Variants in CERS6 observed in about 807,000 individuals in gnomAD.
CERS6 encodes ceramide synthase 6.
Under a neutral mutation model 56.8 loss-of-function variants are expected in CERS6, and 26 were observed. The observed-to-expected ratio is 0.46, with a 90% CI of 0.34 to 0.63. The LOEUF is 0.63. Ranked by LOEUF, CERS6 falls within the 30% of genes least tolerant of loss-of-function variation. The pLI is 0.01. For synonymous variants in CERS6, 164 were observed against 173.3 expected, an observed-to-expected ratio of 0.95 and a Z score of 0.42; for missense variants, 415 against 467.5, an observed-to-expected ratio of 0.89 and a Z score of 1.04.
intron 1 of CERS6, among the ~76,000 whole-genome samples, chr2:168,504,170 G>A (rs1294965273): frequency 6.6e-6 from 1 of 152,162 alleles, no homozygotes; most frequent in Non-Finnish European, 1.5e-5. Flanking sequence ...CAGCACTTTG[G>A]GAGCCAAGGT....
chr2:168,569,046 G>T (rs1028683536), intron 3 of CERS6, among the ~76,000 whole-genome samples: 1 of 152,212 alleles, frequency 6.6e-6, no homozygotes, highest in Non-Finnish European at 1.5e-5. Context: ...GGCTGTTGCT[G>T]TGTTAGCTCA....
At chr2:168,669,838 G>A (rs1312936030) in intron 4 of CERS6, among the ~76,000 whole-genome samples, 1 of 152,188 alleles carries the variant, frequency 6.6e-6, no homozygotes, top group Non-Finnish European at 1.5e-5. Context: ...ATACACGACT[G>A]TGTCAGAAGA....
At chr2:168,609,253 C>G (rs1684127813) in intron 3 of CERS6, among the ~76,000 whole-genome samples, 1 of 152,138 alleles carries the variant, frequency 6.6e-6, no homozygotes, top group Non-Finnish European at 1.5e-5. Flanking sequence ...CTTCAGCCTC[C>G]CAAGTAGCTG....
chr2:168,506,503 A>G (rs1348069430), intron 1 of CERS6, among the ~76,000 whole-genome samples: 1 of 152,210 alleles, frequency 6.6e-6, no homozygotes, highest in Non-Finnish European at 1.5e-5. Flanking sequence ...GCTGATAAAC[A>G]CTGGGAAGTT....
At chr2:168,650,171 A>C (rs984412400) in intron 4 of CERS6, among the ~76,000 whole-genome samples, 5 of 152,174 alleles carry the variant, frequency 3.3e-5, no homozygotes, top group African/African-American at 4.8e-5. Context: ...CATCAGGGGA[A>C]TAGATAGCTG....
chr2:168,748,557 G>A (rs189833000), intron 8 of CERS6, among the ~76,000 whole-genome samples: 1 of 152,086 alleles, frequency 6.6e-6, no homozygotes, highest in South Asian at 2.1e-4. Flanking sequence ...GAACCTGCAC[G>A]CCCCCACCGA....
chr2:168,730,092 G>A (rs1010236995), intron 8 of CERS6, among the ~76,000 whole-genome samples: 2 of 152,312 alleles, frequency 1.3e-5, no homozygotes, highest in African/African-American at 2.4e-5. Context: ...CTTAAGATAC[G>A]GAATCGGCCC....
rs1428298454 is a variant in CERS6, at chr2:168,767,577, G to A, written c.1002+1829G>A. Among the ~76,000 whole-genome samples the A allele has an allele frequency of 2.0e-5, 3 of 152,140 alleles. No homozygotes were observed. In the East Asian group the frequency reaches 5.8e-4, roughly 29 times the overall value. ...TGTGAGTTCAGTCCCATCTCAACGG[G>A]TATTGGAGTGAGGTTCACTTTTATG... On this transcript the variant is annotated intron_variant, in intron 9 of 9. Transcript: ENST00000305747.
intron 3 of CERS6, among the ~76,000 whole-genome samples, chr2:168,598,023 G>GTGTA (rs1683842125): frequency 6.6e-6 from 1 of 152,112 alleles, no homozygotes; most frequent in African/African-American, 2.4e-5. Flanking sequence ...GATCTTCCAC[G>GTGTA]TGTAACTCTT....
rs1195498737 is a variant in CERS6, at chr2:168,645,154, G to C, written c.465+14112G>C. Among the ~76,000 whole-genome samples, 286 of 85,732 alleles carry C rather than the reference G, an allele frequency of 3.3e-3. 22 individuals are homozygous for C. Among genetic ancestry groups the C allele is most frequent in the African/African-American group, 0.015 (264 of 17,522 alleles). The allele number at this position is 85,732 out of a possible 152,430, so 56.2% of individuals were successfully genotyped here. On this transcript the variant is annotated intron_variant, in intron 4 of 9. Coordinates refer to ENST00000305747, the MANE Select transcript of CERS6 (RefSeq NM_203463.3). The stretch of plus-strand genomic sequence containing the variant: ...ATATATATATATATAGAGAGAGAGA[G>C]AGAGAGAGAGAGAGAGAGAGAGAGA...
chr2:168,746,548 T>C (rs183783969), intron 8 of CERS6, among the ~76,000 whole-genome samples: 87 of 151,656 alleles, frequency 5.7e-4, no homozygotes, highest in African/African-American at 2.0e-3. Context: ...ATTTTTCTGC[T>C]TGACTTTGTT....
intron 4 of CERS6, among the ~76,000 whole-genome samples, chr2:168,683,553 A>G (rs1275207033): frequency 6.6e-6 from 1 of 152,116 alleles, no homozygotes; most frequent in Non-Finnish European, 1.5e-5. Flanking sequence ...CACTGGCTTC[A>G]TTGTCAGATT....
At chr2:168,572,964 T>C (rs983746974) in intron 3 of CERS6, among the ~76,000 whole-genome samples, 1 of 152,174 alleles carries the variant, frequency 6.6e-6, no homozygotes, top group African/African-American at 2.4e-5. Flanking sequence ...CTGACTCTAA[T>C]TAGAGAAAGC....
chr2:168,491,355 T>C (rs1316577190), intron 1 of CERS6, among the ~76,000 whole-genome samples: 2 of 152,260 alleles, frequency 1.3e-5, no homozygotes, highest in Admixed American at 6.5e-5. Flanking sequence ...TACTTTGAAC[T>C]TAATCATTTC....
At chr2:168,508,975 ATCTT>A (rs1694730163) in intron 1 of CERS6, among the ~76,000 whole-genome samples, 1 of 152,150 alleles carries the variant, frequency 6.6e-6, no homozygotes, top group Admixed American at 6.5e-5. Context: ...TCTCTTATCT[ATCTT>A]GAGTTAATTG....
chr2:168,619,003 T>C (rs1212435560), intron 3 of CERS6, among the ~76,000 whole-genome samples: 1 of 152,160 alleles, frequency 6.6e-6, no homozygotes, highest in Non-Finnish European at 1.5e-5. Context: ...ATGGTACTGG[T>C]ATAAAAATAG....
At chr2:168,634,717 T>C (rs1482325895) in intron 4 of CERS6, among the ~76,000 whole-genome samples, 1 of 152,188 alleles carries the variant, frequency 6.6e-6, no homozygotes, top group African/African-American at 2.4e-5. Flanking sequence ...CCGACACATG[T>C]GGTACATTTT....
intron 1 of CERS6, among the ~76,000 whole-genome samples, chr2:168,542,103 C>T (rs1272876581): frequency 1.3e-5 from 2 of 152,082 alleles, no homozygotes; most frequent in African/African-American, 4.8e-5. Flanking sequence ...GTCTCCAGAG[C>T]CCTCAGGTAG....
chr2:168,470,374 G>A (rs1217631187), intron 1 of CERS6, among the ~76,000 whole-genome samples: 1 of 152,080 alleles, frequency 6.6e-6, no homozygotes. Flanking sequence ...TCGCCCTAAG[G>A]GTGACTTAGA....
Sources: allele counts gnomAD v4.1 joint callset (sites outside exome capture counted in the v4.1 genomes callset), GRCh38; gene constraint gnomAD v4.1.1; transcripts MANE v1.5; gene names NCBI Gene and HGNC (gene_info 2026-07-23, HGNC 2026-07-21).